The following CEP41 variants were observed in gnomAD, a reference collection of about 807,000 sequenced individuals.
CEP41 encodes centrosomal protein 41.
CEP41 carries 32 observed loss-of-function variants against 44.3 expected under a neutral mutation model. The ratio of observed to expected loss-of-function variants is 0.72; its 90% CI spans 0.54 to 0.97. The LOEUF is 0.97. CEP41 is among the 50% of genes least tolerant of loss of function. The pLI, the probability that CEP41 is intolerant of heterozygous loss-of-function variation, is 0.00. For synonymous variants in CEP41, 151 were observed against 168.5 expected (o/e 0.90, Z 0.80); for missense variants, 432 against 455.2 (o/e 0.95, Z 0.46).
chr7:130,441,341 A>T, upstream of CEP41: 1 of 413,420 alleles, frequency 2.4e-6, no homozygotes, highest in Non-Finnish European at 4.6e-6. Context: ...AGTTTTAGCT[A>T]ATGTGGAACC....
At chr7:130,438,021 A>G (rs886783992) in intron 1 of CEP41, among the ~76,000 whole-genome samples, 4 of 152,152 alleles carry the variant, frequency 2.6e-5, no homozygotes, top group African/African-American at 4.8e-5. Flanking sequence ...GCACAAACAT[A>G]ACCACACGGA....
rs561186377 is a variant in CEP41, at chr7:130,394,044, G to A, written c.*4847C>T. 2.9e-5 allele frequency: 13 copies of A among 454,032 alleles called. No homozygotes were observed. The highest frequency in any genetic ancestry group is 2.1e-4 in the East Asian group (3 of 14,378). The allele number at this position is 454,032 out of a possible 1,614,324, so 28.1% of individuals were successfully genotyped here. A position where few individuals can be genotyped will look rare whatever the true frequency, so the allele number is the denominator to read the frequency against. ...TCCATCGCCTTTTGTGCAGGCAAGC[G>A]GAGGAAAGTTTTCAAAAGAATCTCG... On this transcript the variant is annotated 3_prime_UTR_variant, in exon 11 of 11. Transcript: ENST00000223208.
rs530924978 is a variant in CEP41, at chr7:130,440,364, C to T, written c.33+570G>A. On this transcript the variant is annotated intron_variant, in intron 1 of 10. Coordinates refer to ENST00000223208, the MANE Select transcript of CEP41 (RefSeq NM_018718.3). Reference sequence around the variant, plus strand: ...GGGCAGAGGCCTTGTCTTCTTTGTACGTCTAGCACCTACTGCACCGTGGAA... The same window carrying T: ...GGGCAGAGGCCTTGTCTTCTTTGTATGTCTAGCACCTACTGCACCGTGGAA... 4.6e-5 allele frequency among the ~76,000 whole-genome samples: 7 copies of T among 152,306 alleles called. No homozygotes were observed. The South Asian group carries it at 1.2e-3, about 27-fold the overall frequency.
At chr7:130,408,408 CA>C (rs1321148103) in intron 5 of CEP41, among the ~76,000 whole-genome samples, 2 of 152,032 alleles carry the variant, frequency 1.3e-5, no homozygotes, top group Non-Finnish European at 2.9e-5. Context: ...AAAAGATGAA[CA>C]TCCTATTAGA....
chr7:130,426,646 T>C (rs1554423572), intron 2 of CEP41: 3 of 456,226 alleles, frequency 6.6e-6, no homozygotes, highest in South Asian at 4.7e-5. Context: ...AATCACTTAC[T>C]TCAGAAGGGT....
chr7:130,428,848 T>C (rs1554424392), intron 1 of CEP41, among the ~76,000 whole-genome samples: 1 of 151,148 alleles, frequency 6.6e-6, no homozygotes, highest in African/African-American at 2.4e-5. Context: ...GAGGCGGAGG[T>C]TGCGGTGAGC....
intron 2 of CEP41, 159 bp from the exon 3 acceptor site, chr7:130,417,125 G>A: frequency 7.0e-7 from 1 of 1,420,348 alleles, no homozygotes; most frequent in East Asian, 2.5e-5. Context: ...AAAATCTTTT[G>A]GATAATACAG....
At chr7:130,424,618 A>T (rs1584897043) in intron 2 of CEP41, among the ~76,000 whole-genome samples, 1 of 152,102 alleles carries the variant, frequency 6.6e-6, no homozygotes. Flanking sequence ...AGAAAAGGTA[A>T]CCTTTTTAAC....
Position 130,436,148 on chromosome 7 carries a change from C to T in CEP41, c.33+4786G>A, listed in dbSNP as rs534470814. ...CAGCCTGGGTGATAGAGTGAGACTC[C>T]GTCTCAAAAAACAAAACAAAACAAA... is the stretch of plus-strand genomic sequence containing the variant. On this transcript the variant is annotated intron_variant, in intron 1 of 10. Transcript: ENST00000223208. 9.9e-5 allele frequency among the ~76,000 whole-genome samples: 15 copies of T among 151,984 alleles called. 1 individual carries two copies. The South Asian group carries it at 1.9e-3, about 19-fold the overall frequency.
chr7:130,435,211 A>T (rs1487232093), intron 1 of CEP41, among the ~76,000 whole-genome samples: 1 of 152,220 alleles, frequency 6.6e-6, no homozygotes, highest in Non-Finnish European at 1.5e-5. Flanking sequence ...GATAACTATG[A>T]AAACATAGTA....
At chr7:130,418,694 C>T (rs1386465831) in intron 2 of CEP41, among the ~76,000 whole-genome samples, 1 of 152,148 alleles carries the variant, frequency 6.6e-6, no homozygotes, top group Non-Finnish European at 1.5e-5. Context: ...CATTTCCAAC[C>T]TCCTGAAAAA....
chr7:130,402,359 A>C (rs1176199518), intron 7 of CEP41, among the ~76,000 whole-genome samples: 1 of 151,948 alleles, frequency 6.6e-6, no homozygotes, highest in Admixed American at 6.5e-5. Context: ...AAAAACAAAA[A>C]AAAAAATCAA....
chr7:130,440,917 C>G lies in CEP41; in HGVS notation c.33+17G>C. 1 of 1,611,044 alleles carries G rather than the reference C, an allele frequency of 6.2e-7. No individual in the cohort carries two copies. Among genetic ancestry groups the G allele is most frequent in the Non-Finnish European group, 8.5e-7 (1 of 1,179,974 alleles). ...CGCCCGCCCCCTCCGGCTCTCCGGCCGAGACCTGGCCCTCACCTCAGGGTT... is the reference window on the plus strand; with the variant it reads ...CGCCCGCCCCCTCCGGCTCTCCGGCGGAGACCTGGCCCTCACCTCAGGGTT... On this transcript the variant is annotated intron_variant, in intron 1 of 10. Coordinates refer to ENST00000223208, the MANE Select transcript of CEP41 (RefSeq NM_018718.3).
At chr7:130,440,634 T>C (rs1554427346) in intron 1 of CEP41, 3 of 572,086 alleles carry the variant, frequency 5.2e-6, no homozygotes, top group Non-Finnish European at 9.4e-6. Context: ...TTTGTAACTG[T>C]CACTCCGAGA....
intron 5 of CEP41, among the ~76,000 whole-genome samples, chr7:130,410,660 G>A (rs1797154681): frequency 6.6e-6 from 1 of 152,108 alleles, no homozygotes; most frequent in Non-Finnish European, 1.5e-5. Context: ...ACAAACGATG[G>A]TTTCCTTCCA....
At chr7:130,405,023 C>G (rs1554417929) in intron 5 of CEP41, among the ~76,000 whole-genome samples, 1 of 152,152 alleles carries the variant, frequency 6.6e-6, no homozygotes, top group Admixed American at 6.5e-5. Context: ...GGCTGTGGCA[C>G]CAAGCTTTAT....
In CEP41 at chr7:130,397,106, GAA is replaced by G; in HGVS notation, c.*1783_*1784del. On this transcript the variant is annotated 3_prime_UTR_variant, in exon 11 of 11. Coordinates refer to ENST00000223208, the MANE Select transcript of CEP41 (RefSeq NM_018718.3). ...CCATGCTAGGGGAAAGCTGAGTGTG[GAA>G]AAATGTGCATTTTTCTATCTATGCT... 2.2e-6 allele frequency: 1 copy of G among 454,462 alleles called. No homozygotes were observed. Among genetic ancestry groups the G allele is most frequent in the Non-Finnish European group, 4.4e-6 (1 of 226,764 alleles). The allele number at this position is 454,462 out of a possible 1,614,324, so 28.2% of individuals were successfully genotyped here.
chr7:130,420,143 G>A (rs1554421848), intron 2 of CEP41: 9 of 808,402 alleles, frequency 1.1e-5, no homozygotes, highest in Non-Finnish European at 1.0e-5. Flanking sequence ...GCAAAATAGT[G>A]AGACCTCGTC....
At chr7:130,428,066 C>T (rs183629473) in intron 1 of CEP41, 48 bp from the exon 2 acceptor site, 9 of 1,264,824 alleles carry the variant, frequency 7.1e-6, no homozygotes, top group South Asian at 2.4e-5. Flanking sequence ...GTAAGGATAA[C>T]GATAAGGTAA....
Sources: allele counts gnomAD v4.1 joint callset (sites outside exome capture counted in the v4.1 genomes callset), GRCh38; gene constraint gnomAD v4.1.1; transcripts MANE v1.5; gene names NCBI Gene and HGNC (gene_info 2026-07-23, HGNC 2026-07-21).